Variants in COL26A1 observed in about 807,000 individuals in gnomAD.
The protein encoded by COL26A1 is collagen alpha-1(XXVI) chain.
A neutral mutation model predicts 59.3 loss-of-function variants in COL26A1; 41 were observed. The ratio of observed to expected loss-of-function variants is 0.69; its 90% CI spans 0.54 to 0.90. COL26A1 has a LOEUF of 0.90. Among genes scored for constraint, COL26A1 ranks in the 40% least tolerant of loss-of-function variants. The pLI, the probability that COL26A1 is intolerant of heterozygous loss-of-function variation, is 0.00. For missense variants in COL26A1, 612 were observed against 602.3 expected (o/e 1.02, Z -0.17); for synonymous variants, 266 against 256.0 (o/e 1.04, Z -0.37).
chr7:101,362,527 G>C (rs1790913884), upstream of COL26A1, among the ~76,000 whole-genome samples: 1 of 152,218 alleles, frequency 6.6e-6, no homozygotes, highest in Non-Finnish European at 1.5e-5. Context: ...TCCAGCCTCA[G>C]TTTCCACTTC....
intron 5 of COL26A1, among the ~76,000 whole-genome samples, chr7:101,541,025 C>T (rs543907779): frequency 6.6e-6 from 1 of 152,200 alleles, no homozygotes; most frequent in African/African-American, 2.4e-5. Flanking sequence ...TCAGGGCTGG[C>T]AGTCCCTCAT....
intron 3 of COL26A1, among the ~76,000 whole-genome samples, chr7:101,491,328 G>C (rs1212874118): frequency 1.3e-5 from 2 of 152,124 alleles, no homozygotes; most frequent in Non-Finnish European, 2.9e-5. Flanking sequence ...ACACTACAGA[G>C]AGCTGGTTGT....
intron 1 of COL26A1, among the ~76,000 whole-genome samples, chr7:101,380,788 A>G (rs1003501262): frequency 1.9e-4 from 29 of 152,174 alleles, no homozygotes; most frequent in Admixed American, 1.0e-3. Context: ...GGATAATATC[A>G]GGTTCCTTTG....
chr7:101,545,128 G>A (rs1160656249), intron 6 of COL26A1, among the ~76,000 whole-genome samples: 3 of 152,068 alleles, frequency 2.0e-5, no homozygotes, highest in Non-Finnish European at 4.4e-5. Context: ...GCCACTAAGT[G>A]TCCCCTCTGG....
chr7:101,378,718 T>C (rs565759723), intron 1 of COL26A1, among the ~76,000 whole-genome samples: 2 of 152,186 alleles, frequency 1.3e-5, no homozygotes, highest in South Asian at 2.1e-4. Context: ...CTAAATATTA[T>C]CTGTCTTTGT....
intron 2 of COL26A1, among the ~76,000 whole-genome samples, chr7:101,437,407 G>A (rs1031487710): frequency 8.0e-5 from 12 of 150,064 alleles, no homozygotes; most frequent in Admixed American, 2.7e-4. Flanking sequence ...GCGGAGTTCC[G>A]AATGGGGGCG....
At chr7:101,506,509 T>C (rs2130572995) in intron 3 of COL26A1, among the ~76,000 whole-genome samples, 1 of 152,324 alleles carries the variant, frequency 6.6e-6, no homozygotes, top group Non-Finnish European at 1.5e-5. Flanking sequence ...TGGCTCTGGC[T>C]CCAGGGAGCT....
chr7:101,389,002 CCTT>C (rs2117049202), intron 1 of COL26A1: 1 of 294,816 alleles, frequency 3.4e-6, no homozygotes, highest in South Asian at 3.8e-5. Flanking sequence ...TGGGGCTTCC[CCTT>C]CTTGGGCTTT....
At position 101,363,027 on chromosome 7, in the gene COL26A1, CG is replaced by C; in HGVS notation, c.-5del. 6.4e-7 allele frequency: 1 copy of C among 1,573,460 alleles called. No individual in the cohort carries two copies. The highest frequency in any genetic ancestry group is 1.1e-5 in the South Asian group (1 of 87,508). ...GACTCCGGGTCCCCGCGGGCTGCTG[CG>C]CACGATGAAGCTGGCCCTGCTCCTG... On this transcript the variant is annotated 5_prime_UTR_variant, in exon 1 of 13. Coordinates refer to ENST00000313669, the MANE Select transcript of COL26A1 (RefSeq NM_001278563.3).
intron 3 of COL26A1, among the ~76,000 whole-genome samples, chr7:101,508,250 G>A (rs548673946): frequency 2.8e-4 from 43 of 152,240 alleles, no homozygotes; most frequent in African/African-American, 9.9e-4. Context: ...GGCCAGGCGC[G>A]GTGGCCCATG....
At chr7:101,396,110 AC>A (rs1791849560) in intron 1 of COL26A1, among the ~76,000 whole-genome samples, 1 of 151,964 alleles carries the variant, frequency 6.6e-6, no homozygotes, top group Admixed American at 6.6e-5. Flanking sequence ...AACCAAAAAA[AC>A]ATTAGCCAGG....
chr7:101,404,411 T>C (rs1314342490), intron 1 of COL26A1, among the ~76,000 whole-genome samples: 1 of 152,080 alleles, frequency 6.6e-6, no homozygotes, highest in African/African-American at 2.4e-5. Context: ...AGACACTTGG[T>C]GTCCTGGTTG....
At chr7:101,523,951 A>G (rs1345748236) in intron 3 of COL26A1, among the ~76,000 whole-genome samples, 6 of 151,992 alleles carry the variant, frequency 3.9e-5, no homozygotes, top group African/African-American at 1.4e-4. Flanking sequence ...AAGAATTTAT[A>G]TATATTTATT....
chr7:101,510,904 T>TC (rs1210605300), intron 3 of COL26A1, among the ~76,000 whole-genome samples: 38 of 146,652 alleles, frequency 2.6e-4, no homozygotes, highest in African/African-American at 7.4e-4. Flanking sequence ...CTTTCTTTTT[T>TC]TTTTTTTTTT....
intron 3 of COL26A1, among the ~76,000 whole-genome samples, chr7:101,464,779 A>G: frequency 6.6e-6 from 1 of 152,032 alleles, no homozygotes; most frequent in African/African-American, 2.4e-5. Flanking sequence ...CCAGATGATC[A>G]TAGCTCACTG....
intron 3 of COL26A1, among the ~76,000 whole-genome samples, chr7:101,526,828 G>A (rs1345340528): frequency 6.6e-6 from 1 of 152,238 alleles, no homozygotes; most frequent in Non-Finnish European, 1.5e-5. Context: ...CTGATCCAGT[G>A]TAAACCCCCT....
rs188253337 is a variant in COL26A1, at chr7:101,411,245, G to A, written c.159-8732G>A. 3.6e-3 allele frequency among the ~76,000 whole-genome samples: 546 copies of A among 152,296 alleles called. 3 individuals carry two copies. The highest frequency in any genetic ancestry group is 6.8e-3 in the Middle Eastern group (2 of 294). On this transcript the variant is annotated intron_variant, in intron 1 of 12. Transcript: ENST00000313669. ...TTACCAGGCCTGCCCTGTGTCCGCC[G>A]TCTTCAGGAGCTGGGAGTCTTCCCA...
chr7:101,422,621 G>A (rs1399369892), intron 2 of COL26A1, among the ~76,000 whole-genome samples: 2 of 147,942 alleles, frequency 1.4e-5, no homozygotes, highest in East Asian at 2.0e-4. Flanking sequence ...CTCTGTTGGA[G>A]AAGTGGCTGT....
chr7:101,412,071 G>A (rs746997375), intron 1 of COL26A1, among the ~76,000 whole-genome samples: 1 of 152,282 alleles, frequency 6.6e-6, no homozygotes, highest in Non-Finnish European at 1.5e-5. Context: ...GGGCTTGGAA[G>A]GCCAAGCCTG....
Sources: gnomAD v4.1 joint callset for allele counts (sites outside exome capture counted in the v4.1 genomes callset) on GRCh38, gnomAD v4.1.1 for gene constraint, MANE v1.5 for transcripts, NCBI Gene and HGNC (gene_info 2026-07-23, HGNC 2026-07-21) for gene names.